Variants in DUOX1 observed in about 807,000 individuals in gnomAD.
DUOX1 encodes NADPH thyroid oxidase 1.
Under a neutral mutation model 181.8 loss-of-function variants are expected in DUOX1, and 134 were observed. The observed-to-expected ratio is 0.74, with a 90% CI of 0.64 to 0.85. The LOEUF (loss-of-function observed/expected upper bound fraction) is 0.85, where lower values mean the gene tolerates loss of function less well. Ranked by LOEUF, DUOX1 falls within the 40% of genes least tolerant of loss-of-function variation. DUOX1 has a pLI of 0.00. For synonymous variants in DUOX1, 798 were observed against 832.5 expected, an observed-to-expected ratio of 0.96 and a Z score of 0.71; for missense variants, 1,814 against 2,064.4, an observed-to-expected ratio of 0.88 and a Z score of 2.35.
intron 3 of DUOX1, 22 bp downstream of exon 3, chr15:45,133,969 A>G: frequency 6.2e-7 from 1 of 1,611,980 alleles, no homozygotes; most frequent in South Asian, 1.1e-5. Context: ...CCAAGTGGGG[A>G]TAGAACCCCA....
chr15:45,150,540 G>A, intron 21 of DUOX1, 92 bp from the exon 22 acceptor site: 2 of 1,228,704 alleles, frequency 1.6e-6, no homozygotes, highest in East Asian at 2.3e-5. Flanking sequence ...TACTGTGCCT[G>A]AGCATGGGAT....
At chr15:45,164,051 T>G in intron 33 of DUOX1, 133 bp downstream of exon 33, 1 of 1,389,464 alleles carries the variant, frequency 7.2e-7, no homozygotes, top group Non-Finnish European at 9.8e-7. Flanking sequence ...GGTGGGGTAA[T>G]GGAATGGAAA....
chr15:45,146,464 C>T (rs912764151), intron 18 of DUOX1, among the ~76,000 whole-genome samples: 4 of 152,178 alleles, frequency 2.6e-5, no homozygotes, highest in South Asian at 2.1e-4. Context: ...TGCTGAGACA[C>T]GAAGGGTGCT....
rs140106345 is a variant in DUOX1 at position 45,151,949 on chromosome 15, G to C, written c.3090G>C (p.Thr1030=). The change falls in exon 24 of 34, where the codon ACG becomes ACC. Residue 1030 remains threonine, a synonymous_variant. Coordinates refer to ENST00000389037, the MANE Select transcript of DUOX1 (RefSeq NM_175940.3). ...EKFQRSCLHQ[T]VQQFKRFIEN... is the part of the protein sequence containing the mutation. Reference sequence around the variant, plus strand: ...TCCAACGCAGCTGTCTCCACCAGACGGTGCAACAGTTCAAGCGCTTCATTG... The same window carrying C: ...TCCAACGCAGCTGTCTCCACCAGACCGTGCAACAGTTCAAGCGCTTCATTG... 11 of 1,613,884 alleles carry C rather than the reference G, an allele frequency of 6.8e-6. No homozygotes were observed. Among genetic ancestry groups the C allele is most frequent in the African/African-American group, 1.3e-5 (1 of 74,884 alleles).
intron 13 of DUOX1, 54 bp downstream of exon 13, chr15:45,141,124 C>A: frequency 1.2e-5 from 20 of 1,607,482 alleles, no homozygotes; most frequent in Non-Finnish European, 1.6e-5. Context: ...GGCCCCAGAC[C>A]CTCTTTCTGG....
intron 31 of DUOX1, among the ~76,000 whole-genome samples, chr15:45,162,960 A>C (rs1359533570): frequency 6.6e-6 from 1 of 152,218 alleles, no homozygotes; most frequent in African/African-American, 2.4e-5. Flanking sequence ...GGGTGCTGGA[A>C]TGCAGTGGGC....
chr15:45,160,160 C>G (rs1001381561), intron 28 of DUOX1, among the ~76,000 whole-genome samples: 4 of 151,990 alleles, frequency 2.6e-5, no homozygotes, highest in African/African-American at 9.7e-5. Flanking sequence ...CCCCCAACCC[C>G]CAAAAAACAA....
chr15:45,151,348 T>C, intron 23 of DUOX1, 100 bp downstream of exon 23: 1 of 1,483,590 alleles, frequency 6.7e-7, no homozygotes, highest in Non-Finnish European at 9.1e-7. Flanking sequence ...ACATTGTGGG[T>C]ACAGGCAGGG....
Position 45,163,634 on chromosome 15 carries a change from C to A in DUOX1, c.4351C>A (p.His1451Asn), listed in dbSNP as rs1355573474. The A allele has an allele frequency of 6.2e-7, 1 of 1,614,026 alleles. No individual in the cohort carries two copies. The highest frequency in any genetic ancestry group is 1.7e-5 in the Admixed American group (1 of 59,998). ...TGACCACCAGGACCTGGTGTCTGTG[C>A]ACATCTACATCACCCAGCTGGCTGA... ...ENDHQDLVSV[H>N]IYITQLAEKF... Residue 1451 changes from histidine (H) to asparagine (N), a missense_variant, in exon 32 of 34, where the codon CAC (histidine) becomes AAC (asparagine). By Grantham distance (68) the His-to-Asn change is moderately conservative. Around this residue, in one of 5 missense-constraint regions of DUOX1, gnomAD observed 279 missense variants for 381.9 expected, o/e 0.73. Coordinates refer to ENST00000389037, the MANE Select transcript of DUOX1 (RefSeq NM_175940.3).
chr15:45,137,815 G>T (rs891663632), intron 9 of DUOX1, 109 bp from the exon 10 acceptor site: 3 of 846,922 alleles, frequency 3.5e-6, no homozygotes, highest in African/African-American at 3.5e-5. Flanking sequence ...CACCACCTCG[G>T]AAAGACGATG....
chr15:45,135,412 C>T, intron 5 of DUOX1, 62 bp from the exon 6 acceptor site: 2 of 1,519,328 alleles, frequency 1.3e-6, no homozygotes, highest in South Asian at 1.3e-5. Flanking sequence ...CCCGCCGGGC[C>T]CCGGCCTTCC....
chr15:45,135,081 A>AC (rs779358841), intron 4 of DUOX1, 23 bp from the exon 5 acceptor site: 6 of 1,605,970 alleles, frequency 3.7e-6, no homozygotes, highest in Non-Finnish European at 5.1e-6. Flanking sequence ...TTGCCCTAGC[A>AC]CCCCCTCCTG....
intron 27 of DUOX1, among the ~76,000 whole-genome samples, chr15:45,155,020 A>C (rs1426185711): frequency 6.6e-6 from 1 of 152,248 alleles, no homozygotes; most frequent in Non-Finnish European, 1.5e-5. Context: ...GCCAACAAAG[A>C]GTGGTGCAGG....
intron 1 of DUOX1, 50 bp from the exon 2 acceptor site, chr15:45,131,868 C>T: frequency 3.0e-6 from 4 of 1,335,464 alleles, no homozygotes; most frequent in Non-Finnish European, 4.3e-6. Flanking sequence ...GAGTCTTTCA[C>T]CTGATTCTTC....
At chr15:45,157,665 A>G (rs1567020218) in intron 28 of DUOX1, among the ~76,000 whole-genome samples, 1 of 152,038 alleles carries the variant, frequency 6.6e-6, no homozygotes, top group Non-Finnish European at 1.5e-5. Context: ...CTAAAAATAC[A>G]AAAATTAGCT....
rs1223113535 is a variant in DUOX1, at chr15:45,136,361, G to A, written c.876G>A (p.Val292=). Residue 292 remains valine, a synonymous_variant, in exon 8 of 34, where the codon GTG becomes GTA. Transcript: ENST00000389037. ...TCTCTGCCCCTCAGAACATCGCTGT[G>A]TATGAGTGGCTGCCCAGCTTCCTGC... The part of the protein sequence containing the change: ...RVIATYQNIA[V]YEWLPSFLQK... The A allele has an allele frequency of 6.2e-7, 1 of 1,613,728 alleles. No individual in the cohort carries two copies. The highest frequency in any genetic ancestry group is 2.2e-5 in the East Asian group (1 of 44,892).
intron 18 of DUOX1, among the ~76,000 whole-genome samples, chr15:45,146,300 G>A (rs1896652712): frequency 1.3e-5 from 2 of 152,220 alleles, no homozygotes; most frequent in Non-Finnish European, 2.9e-5. Flanking sequence ...TCTGTGCCAG[G>A]AACATGATTT....
At chr15:45,134,001 C>T in intron 3 of DUOX1, 54 bp downstream of exon 3, 1 of 1,598,664 alleles carries the variant, frequency 6.3e-7, no homozygotes, top group Non-Finnish European at 8.6e-7. Flanking sequence ...GTACTGAGTG[C>T]TGCGGGGCAA....
At chr15:45,153,830 T>C (rs8038802) in intron 26 of DUOX1, 121 bp from the exon 27 acceptor site, 138,919 of 889,260 alleles carry the variant, frequency 0.16, 14,634 homozygotes, top group East Asian at 0.44. Context: ...GAGGTTGCAG[T>C]GAGCCAAGAT....
Sources: gnomAD v4.1 joint callset for allele counts (sites outside exome capture counted in the v4.1 genomes callset) on GRCh38, gnomAD v4.1.1 for gene constraint, gnomAD v4.1.1 regional missense constraint, MANE v1.5 for transcripts, NCBI Gene and HGNC (gene_info 2026-07-23, HGNC 2026-07-21) for gene names.